R3HDM2: variants seen among roughly 807,000 people sequenced by gnomAD.
R3HDM2 encodes R3H domain-containing protein 2.
A neutral mutation model predicts 124.5 loss-of-function variants in R3HDM2; 38 were observed. That is an observed-to-expected ratio of 0.31 (90% CI 0.24 to 0.40). The LOEUF (loss-of-function observed/expected upper bound fraction) is 0.40. Among genes scored for constraint, R3HDM2 ranks in the 10% least tolerant of loss-of-function variants. R3HDM2 has a pLI of 1.00. For missense variants in R3HDM2, 869 were observed against 1,236.9 expected (o/e 0.70, Z 4.46); for synonymous variants, 391 against 448.0 (o/e 0.87, Z 1.61).
At chr12:57,274,768 A>C (rs1245446179) in intron 14 of R3HDM2, among the ~76,000 whole-genome samples, 1 of 152,220 alleles carries the variant, frequency 6.6e-6, no homozygotes. Context: ...CAAGGAGTTG[A>C]AAGACCTCTA....
intron 2 of R3HDM2, among the ~76,000 whole-genome samples, chr12:57,345,734 A>G (rs1340624932): frequency 6.6e-6 from 1 of 152,078 alleles, no homozygotes; most frequent in Non-Finnish European, 1.5e-5. Flanking sequence ...TTTTTAGAGA[A>G]GAGTTCTTGC....
At position 57,421,450 on chromosome 12, in the gene R3HDM2, CTT is replaced by C. The variant is rs71084752; in HGVS notation, c.-106+9268_-106+9269del. Among the ~76,000 whole-genome samples, 271 of 111,024 alleles carry C rather than the reference CTT, an allele frequency of 2.4e-3. No individual in the cohort carries two copies. In the East Asian group the frequency reaches 0.029, roughly 12 times the overall value. The allele number at this position is 111,024 out of a possible 152,430, so 72.8% of individuals were successfully genotyped here. A position where few individuals can be genotyped will look rare whatever the true frequency, so the allele number is the denominator to read the frequency against. On this transcript the variant is annotated intron_variant, in intron 1 of 23. Coordinates refer to ENST00000402412, the MANE Select transcript of R3HDM2 (RefSeq NM_001394031.1). The stretch of plus-strand genomic sequence containing the variant: ...CAGGCGTAAGCGACCACACCCAGCT[CTT>C]TTTTTTTTTTTTTTTTTTTTAAAGA...
intron 2 of R3HDM2, among the ~76,000 whole-genome samples, chr12:57,349,379 CAAAAAAAAAAAAAAA>C (rs1161831845): frequency 5.2e-5 from 3 of 57,774 alleles, no homozygotes; most frequent in African/African-American, 1.9e-4. Flanking sequence ...ACTCCGTCTC[CAAAAAAAAAAAAAAA>C]AAAAAAAAAA....
At chr12:57,360,004 TAA>T (rs202061892) in intron 2 of R3HDM2, among the ~76,000 whole-genome samples, 64 of 110,128 alleles carry the variant, frequency 5.8e-4, no homozygotes, top group Admixed American at 2.9e-3. Context: ...AATAAATAAA[TAA>T]ATATATATAT....
At chr12:57,273,270 C>T (rs2043983192) in intron 14 of R3HDM2, among the ~76,000 whole-genome samples, 1 of 152,140 alleles carries the variant, frequency 6.6e-6, no homozygotes, top group Admixed American at 6.5e-5. Flanking sequence ...AATAGCTTAG[C>T]TTTAGTTTTT....
chr12:57,296,310 G>A lies in R3HDM2; in HGVS notation c.701+101C>T, dbSNP rs753347208. ...TGGGATTACAGGTGTGAGCCACCAC[G>A]CCTGGCCATCTGCAAGAGACATCCT... On this transcript the variant is annotated intron_variant, in intron 9 of 23. Transcript: ENST00000402412. The surrounding 1 kb of genome is among the most constrained non-coding windows in gnomAD (Gnocchi z 4.5). 23 of 1,350,774 alleles carry A rather than the reference G, an allele frequency of 1.7e-5. No individual in the cohort carries two copies. Among genetic ancestry groups the A allele is most frequent in the Admixed American group, 1.4e-4 (7 of 48,500 alleles). 83.7% of individuals were successfully genotyped at this position (1,350,774 alleles called of 1,614,324 possible).
chr12:57,303,428 C>G (rs1175336763), intron 3 of R3HDM2, among the ~76,000 whole-genome samples: 1 of 152,044 alleles, frequency 6.6e-6, no homozygotes, highest in African/African-American at 2.4e-5. Context: ...ACAGTCAAAT[C>G]ACCATTCACC....
At chr12:57,281,287 C>CAAA (rs71084737) in intron 13 of R3HDM2, among the ~76,000 whole-genome samples, 49 of 81,922 alleles carry the variant, frequency 6.0e-4, no homozygotes, top group Non-Finnish European at 8.0e-4. Context: ...GACTCGGTCT[C>CAAA]AAAAAAAAAA....
intron 2 of R3HDM2, among the ~76,000 whole-genome samples, chr12:57,388,097 T>G (rs1007748487): frequency 2.0e-5 from 3 of 152,168 alleles, no homozygotes; most frequent in Non-Finnish European, 4.4e-5. Flanking sequence ...CCCAACTAGC[T>G]GGGATTACAG....
At chr12:57,304,333 C>T (rs2052039335) in intron 3 of R3HDM2, 1 of 178,226 alleles carries the variant, frequency 5.6e-6, no homozygotes, top group South Asian at 1.9e-4. Context: ...ATGGGGGCTT[C>T]TGGGAAGAGG....
At chr12:57,373,372 C>T (rs1262076700) in intron 2 of R3HDM2, among the ~76,000 whole-genome samples, 2 of 151,772 alleles carry the variant, frequency 1.3e-5, no homozygotes, top group African/African-American at 4.8e-5. Context: ...TGGTGGCGGG[C>T]GCCTGTAGTA....
intron 2 of R3HDM2, among the ~76,000 whole-genome samples, chr12:57,333,665 T>C (rs2058484388): frequency 6.6e-6 from 1 of 150,930 alleles, no homozygotes; most frequent in South Asian, 2.1e-4. Context: ...GCAGCCTGGG[T>C]GACAAGAGCG....
chr12:57,366,543 A>C (rs2062681796), intron 2 of R3HDM2, among the ~76,000 whole-genome samples: 1 of 151,960 alleles, frequency 6.6e-6, no homozygotes. Context: ...GTCTATTTCT[A>C]TTGACTGTTT....
intron 2 of R3HDM2, among the ~76,000 whole-genome samples, chr12:57,352,092 T>C (rs961495059): frequency 7.9e-5 from 12 of 151,576 alleles, no homozygotes; most frequent in African/African-American, 2.7e-4. Context: ...ATTCTAACAG[T>C]AGAGAAAGGA....
At chr12:57,418,336 C>T in intron 1 of R3HDM2, 1 of 985,396 alleles carries the variant, frequency 1.0e-6, no homozygotes, top group Non-Finnish European at 1.2e-6. Context: ...GTTAACGGGG[C>T]AAGGCCTCCA....
intron 18 of R3HDM2, 59 bp from the exon 19 acceptor site, chr12:57,266,890 G>T: frequency 8.3e-7 from 1 of 1,207,722 alleles, no homozygotes; most frequent in Non-Finnish European, 1.2e-6. Flanking sequence ...ACAGCTCCTG[G>T]CAAACAGCTG....
At chr12:57,279,177 A>AC (rs1234796597) in intron 14 of R3HDM2, among the ~76,000 whole-genome samples, 7 of 130,428 alleles carry the variant, frequency 5.4e-5, no homozygotes, top group African/African-American at 2.1e-4. Context: ...TATTAAGGTG[A>AC]CTTTTTTTTT....
rs753686979 is a variant in R3HDM2, at chr12:57,255,939, C to T, written c.2632+51G>A. ...CACCCATGCTGGACTGGTAATTAAG[C>T]GCTGGAAGGGTGGGCACCTTCTCTT... On this transcript the variant is annotated intron_variant, in intron 23 of 23. Coordinates refer to ENST00000402412, the MANE Select transcript of R3HDM2 (RefSeq NM_001394031.1). 3.7e-5 allele frequency: 56 copies of T among 1,519,162 alleles called. No homozygotes were observed. The Middle Eastern group carries it at 1.0e-3, about 28-fold the overall frequency. 94.1% of individuals were successfully genotyped at this position (1,519,162 alleles called of 1,614,324 possible).
At chr12:57,286,635 A>T (rs1258450841) in intron 12 of R3HDM2, among the ~76,000 whole-genome samples, 2 of 151,978 alleles carry the variant, frequency 1.3e-5, no homozygotes, top group Non-Finnish European at 2.9e-5. Flanking sequence ...TAATATGAGG[A>T]CTTTGGGAGG....
Sources: allele counts gnomAD v4.1 joint callset (sites outside exome capture counted in the v4.1 genomes callset), GRCh38; gene constraint gnomAD v4.1.1; non-coding constraint Gnocchi (gnomAD v3.1); transcripts MANE v1.5; gene names NCBI Gene and HGNC (gene_info 2026-07-23, HGNC 2026-07-21).